HPGD: variants seen among roughly 807,000 people sequenced by gnomAD.
The protein encoded by HPGD is 15-hydroxyprostaglandin dehydrogenase, also known as 15-hydroxyprostaglandin dehydrogenase [NAD(+)].
HPGD carries 29 observed loss-of-function variants against 30.0 expected under a neutral mutation model. That is an observed-to-expected ratio of 0.97 (90% CI 0.72 to 1.32). The LOEUF (loss-of-function observed/expected upper bound fraction) is 1.32. Among genes scored for constraint, HPGD ranks in the 40% most tolerant of loss-of-function variants. HPGD has a pLI of 0.00. For synonymous variants in HPGD, 99 were observed against 112.4 expected, an observed-to-expected ratio of 0.88 and a Z score of 0.75; for missense variants, 340 against 322.1, an observed-to-expected ratio of 1.06 and a Z score of -0.43.
At chr4:174,522,336 C>T (rs1417242652) in intron 1 of HPGD, 23 bp downstream of exon 1, 1 of 1,549,342 alleles carries the variant, frequency 6.5e-7, no homozygotes, top group Admixed American at 1.9e-5. Flanking sequence ...AGAGAAATTT[C>T]CGCGGCTGGG....
At chr4:174,498,629 G>C (rs1201991332) in intron 4 of HPGD, among the ~76,000 whole-genome samples, 1 of 152,108 alleles carries the variant, frequency 6.6e-6, no homozygotes, top group Non-Finnish European at 1.5e-5. Flanking sequence ...ACTCAGGATA[G>C]CTGTTTTGAG....
intron 4 of HPGD, among the ~76,000 whole-genome samples, chr4:174,501,696 G>A (rs951454695): frequency 2.0e-5 from 3 of 151,960 alleles, no homozygotes; most frequent in Admixed American, 6.6e-5. Context: ...TTAGACTGAC[G>A]AAATAATATA....
chr4:174,508,267 T>C, intron 4 of HPGD: 1 of 633,306 alleles, frequency 1.6e-6, no homozygotes, highest in Admixed American at 2.3e-5. Flanking sequence ...TATTTATTAG[T>C]TTAACATATC....
rs1329096525 is a variant in HPGD at position 174,522,339 on chromosome 4, C to T, written c.93+20G>A. 1.9e-6 allele frequency: 3 copies of T among 1,549,862 alleles called. No individual in the cohort carries two copies. Among genetic ancestry groups the T allele is most frequent in the Non-Finnish European group, 2.6e-6 (3 of 1,145,340 alleles). On this transcript the variant is annotated intron_variant, in intron 1 of 6. Coordinates refer to ENST00000296522, the MANE Select transcript of HPGD (RefSeq NM_000860.6). Reference sequence around the variant, plus strand: ...GAGTGTGTGGGCAGAGAAATTTCCGCGGCTGGGCGCCGGGCTTACCTTGGC... The same window carrying T: ...GAGTGTGTGGGCAGAGAAATTTCCGTGGCTGGGCGCCGGGCTTACCTTGGC...
chr4:174,501,371 G>A lies in HPGD; in HGVS notation c.422-5747C>T, dbSNP rs186856356. Among the ~76,000 whole-genome samples, 72 of 152,280 alleles carry A rather than the reference G, an allele frequency of 4.7e-4. 1 individual carries two copies. In the East Asian group the frequency reaches 0.013, roughly 27 times the overall value. The stretch of plus-strand genomic sequence containing the variant: ...AAAACAAAGGATTGTGACCATGTGA[G>A]AGCAGTCTCTGCTTTTAAAGAAATG... On this transcript the variant is annotated intron_variant, in intron 4 of 6. Coordinates refer to ENST00000296522, the MANE Select transcript of HPGD (RefSeq NM_000860.6).
chr4:174,512,073 G>A (rs1405150251), intron 3 of HPGD, among the ~76,000 whole-genome samples: 1 of 152,102 alleles, frequency 6.6e-6, no homozygotes, highest in Non-Finnish European at 1.5e-5. Flanking sequence ...GTGGGAAGAA[G>A]GATGAGATCA....
chr4:174,495,177 C>T (rs1734528520), intron 5 of HPGD, among the ~76,000 whole-genome samples: 1 of 152,106 alleles, frequency 6.6e-6, no homozygotes, highest in South Asian at 2.1e-4. Flanking sequence ...CATGTTCTCA[C>T]TCCTTTTCAT....
rs121434481 is a variant in HPGD at position 174,493,236 on chromosome 4, A to G, written c.577T>C (p.Ser193Pro). Reference sequence around the variant, plus strand: ...CCCATGTTTTCTTCTTTTTCAATTGATTCAAGGATGGCTGTGTTAACAAAG... The same window carrying G: ...CCCATGTTTTCTTCTTTTTCAATTGGTTCAAGGATGGCTGTGTTAACAAAG... ...PGFVNTAILESIEKEENMGQY... is the reference protein window; with the variant it reads ...PGFVNTAILEPIEKEENMGQY... The change falls in exon 6 of 7, where the codon TCA becomes CCA. Residue 193 changes from serine to proline, a missense_variant. Transcript: ENST00000296522. 1.2e-6 allele frequency: 2 copies of G among 1,612,764 alleles called. No individual in the cohort carries two copies. Among genetic ancestry groups the G allele is most frequent in the South Asian group, 2.2e-5 (2 of 91,044 alleles).
chr4:174,507,986 C>T, intron 4 of HPGD: 4 of 608,860 alleles, frequency 6.6e-6, no homozygotes, highest in Non-Finnish European at 1.2e-5. Context: ...AAGTTCTATA[C>T]TGAAATGTGA....
At chr4:174,521,391 T>G (rs1355505092) in intron 2 of HPGD, among the ~76,000 whole-genome samples, 1 of 152,260 alleles carries the variant, frequency 6.6e-6, no homozygotes, top group Non-Finnish European at 1.5e-5. Flanking sequence ...TAACATTGTA[T>G]ACTTTATTAT....
intron 3 of HPGD, among the ~76,000 whole-genome samples, chr4:174,509,674 C>T (rs1257889543): frequency 1.3e-5 from 2 of 152,130 alleles, no homozygotes; most frequent in Non-Finnish European, 1.5e-5. Context: ...ACCCTGGGCC[C>T]GATGATATCA....
At chr4:174,507,494 T>C (rs1276549328) in intron 4 of HPGD, 1 of 152,214 alleles carries the variant, frequency 6.6e-6, no homozygotes, top group East Asian at 1.9e-4. Context: ...CAATCACAGG[T>C]ACCTCCAAAC....
chr4:174,514,288 C>G (rs779992368), intron 3 of HPGD, among the ~76,000 whole-genome samples: 8 of 152,060 alleles, frequency 5.3e-5, no homozygotes, highest in South Asian at 4.2e-4. Context: ...TCAGGAAAAT[C>G]AGCTATCAGG....
chr4:174,520,537 A>G (rs1019691336), intron 2 of HPGD, among the ~76,000 whole-genome samples: 1 of 152,206 alleles, frequency 6.6e-6, no homozygotes, highest in Non-Finnish European at 1.5e-5. Context: ...CTCATGACCA[A>G]CATGCCTTCC....
chr4:174,512,902 T>C (rs1429209963), intron 3 of HPGD, among the ~76,000 whole-genome samples: 1 of 152,210 alleles, frequency 6.6e-6, no homozygotes, highest in Non-Finnish European at 1.5e-5. Flanking sequence ...ATTTCCTATT[T>C]GCCCATGATA....
At chr4:174,497,672 G>A (rs1734694660) in intron 4 of HPGD, among the ~76,000 whole-genome samples, 1 of 135,360 alleles carries the variant, frequency 7.4e-6, no homozygotes, top group Non-Finnish European at 1.5e-5. Flanking sequence ...CTGCCTCCTG[G>A]ATTCAAGGGA....
At chr4:174,508,639 T>A (rs1204903005) in intron 4 of HPGD, 57 bp downstream of exon 4, 3 of 972,496 alleles carry the variant, frequency 3.1e-6, no homozygotes, top group Non-Finnish European at 5.0e-6. Context: ...AGATTTGTTT[T>A]TGTGGTCCAA....
At chr4:174,521,048 C>G (rs900115136) in intron 2 of HPGD, among the ~76,000 whole-genome samples, 1 of 152,036 alleles carries the variant, frequency 6.6e-6, no homozygotes, top group Non-Finnish European at 1.5e-5. Context: ...AACAGGAGCA[C>G]TGGAATAAGA....
intron 3 of HPGD, among the ~76,000 whole-genome samples, chr4:174,515,460 T>G (rs1735722332): frequency 1.3e-5 from 2 of 152,176 alleles, no homozygotes. Flanking sequence ...GGTAGCCATA[T>G]GCAGAAGATT....
Sources: allele counts gnomAD v4.1 joint callset (sites outside exome capture counted in the v4.1 genomes callset), GRCh38; gene constraint gnomAD v4.1.1; transcripts MANE v1.5; gene names NCBI Gene and HGNC (gene_info 2026-07-23, HGNC 2026-07-21).